ATG4C: variants seen among roughly 807,000 people sequenced by gnomAD.
The protein encoded by ATG4C is cysteine protease ATG4C.
ATG4C carries 56 observed loss-of-function variants against 57.6 expected under a neutral mutation model. The observed-to-expected ratio is 0.97, with a 90% CI of 0.78 to 1.21. The LOEUF is 1.21. ATG4C is among the 50% of genes most tolerant of loss of function. ATG4C has a pLI of 0.00. For missense variants in ATG4C, 595 were observed against 529.8 expected (o/e 1.12, Z -1.21); for synonymous variants, 157 against 174.1 (o/e 0.90, Z 0.78).
intron 10 of ATG4C, among the ~76,000 whole-genome samples, chr1:62,850,532 C>T (rs1414709125): frequency 6.6e-6 from 1 of 152,100 alleles, no homozygotes; most frequent in Admixed American, 6.6e-5. Flanking sequence ...CCTGCTGCCT[C>T]TTTGAACTCA....
chr1:62,861,382 T>A (rs1366999627), intron 10 of ATG4C, among the ~76,000 whole-genome samples: 1 of 151,698 alleles, frequency 6.6e-6, no homozygotes, highest in African/African-American at 2.4e-5. Flanking sequence ...CCCATTTGCA[T>A]AAAAAATACA....
chr1:62,786,529 CAA>C (rs780728043), intron 1 of ATG4C, among the ~76,000 whole-genome samples: 5 of 101,078 alleles, frequency 4.9e-5, no homozygotes, highest in Non-Finnish European at 6.3e-5. Flanking sequence ...GACCCTGTCT[CAA>C]AAAAAAAAAA....
At chr1:62,786,474 A>T (rs1430279229) in intron 1 of ATG4C, among the ~76,000 whole-genome samples, 3 of 151,936 alleles carry the variant, frequency 2.0e-5, no homozygotes, top group Non-Finnish European at 4.4e-5. Flanking sequence ...ATGAGATCTA[A>T]TGTGGAATTT....
intron 1 of ATG4C, among the ~76,000 whole-genome samples, chr1:62,796,546 A>T (rs1334489086): frequency 6.6e-6 from 1 of 152,166 alleles, no homozygotes; most frequent in Non-Finnish European, 1.5e-5. Flanking sequence ...GAGAAAAAAA[A>T]TGTCTCAGCA....
At chr1:62,863,744 A>G (rs77871448) in intron 10 of ATG4C, among the ~76,000 whole-genome samples, 3,175 of 152,104 alleles carry the variant, frequency 0.021, 36 homozygotes, top group Non-Finnish European at 0.032. Context: ...GGGAAGTGGG[A>G]GGTGAGAGTG....
intron 10 of ATG4C, among the ~76,000 whole-genome samples, chr1:62,850,387 G>T (rs1666467972): frequency 1.3e-5 from 2 of 152,128 alleles, no homozygotes; most frequent in Non-Finnish European, 2.9e-5. Flanking sequence ...ATAGCCGCCA[G>T]AGTGATTTTG....
At chr1:62,798,649 GT>G (rs759176582) in intron 1 of ATG4C, among the ~76,000 whole-genome samples, 61 of 142,984 alleles carry the variant, frequency 4.3e-4, no homozygotes, top group South Asian at 2.0e-3. Flanking sequence ...TTTAATATTT[GT>G]TTTTTTTTTT....
intron 1 of ATG4C, among the ~76,000 whole-genome samples, chr1:62,796,279 A>C: frequency 9.6e-6 from 1 of 104,250 alleles, no homozygotes; most frequent in East Asian, 2.7e-4. Flanking sequence ...TCCTTGGCTT[A>C]TCTGACACAA....
intron 10 of ATG4C, among the ~76,000 whole-genome samples, chr1:62,850,166 C>T (rs1666460115): frequency 6.6e-6 from 1 of 152,136 alleles, no homozygotes; most frequent in Non-Finnish European, 1.5e-5. Context: ...CCTGGGTGCT[C>T]AGCCTAAAAA....
At chr1:62,816,496 C>A in intron 3 of ATG4C, 79 bp from the exon 4 acceptor site, 1 of 983,634 alleles carries the variant, frequency 1.0e-6, no homozygotes, top group Non-Finnish European at 1.5e-6. Flanking sequence ...TACTTCACAT[C>A]TTAAGACAGT....
rs1161434826 is a variant in ATG4C, at chr1:62,865,439, C to A, written c.*1280C>A. On this transcript the variant is annotated 3_prime_UTR_variant, in exon 11 of 11. Transcript: ENST00000317868. ...GGGTGGGCGGATTGTTTTAGTATAC[C>A]TGATGAGAAAAATCAGGTTTGACAT... The A allele has an allele frequency of 6.6e-6, 1 of 151,732 alleles. No homozygotes were observed. The highest frequency in any genetic ancestry group is 1.9e-4 in the East Asian group (1 of 5,194). 9.4% of individuals were successfully genotyped at this position (151,732 alleles called of 1,614,324 possible). A position where few individuals can be genotyped will look rare whatever the true frequency, so the allele number is the denominator to read the frequency against.
chr1:62,834,840 T>C lies in ATG4C; in HGVS notation c.1077T>C (p.Asp359=). 6.2e-7 allele frequency: 1 copy of C among 1,611,936 alleles called. No homozygotes were observed. Among genetic ancestry groups the C allele is most frequent in the Non-Finnish European group, 8.5e-7 (1 of 1,178,504 alleles). The change falls in exon 9 of 11, where the codon GAT becomes GAC. Residue 359 remains aspartate, a synonymous_variant. Transcript: ENST00000317868. ...CTTTTGTAGATGTCAGCATAAAGGATTTCCCTCTTGAGGTACTGTGGATAA... is the reference window on the plus strand; with the variant it reads ...CTTTTGTAGATGTCAGCATAAAGGACTTCCCTCTTGAGGTACTGTGGATAA... ...CQSFVDVSIK[D]FPLETFHCPS...
chr1:62,824,300 T>C lies in ATG4C; in HGVS notation c.796+3091T>C, dbSNP rs116818848. Among the ~76,000 whole-genome samples, 1,199 of 152,290 alleles carry C rather than the reference T, an allele frequency of 7.9e-3. 33 individuals are homozygous for C. Among genetic ancestry groups the C allele is most frequent in the African/African-American group, 0.027 (1,117 of 41,558 alleles). On this transcript the variant is annotated intron_variant, in intron 6 of 10. Transcript: ENST00000317868. The stretch of plus-strand genomic sequence containing the variant: ...ATGAAGGGTAAGAATGCAATCTCTA[T>C]CCCGATGAGGGAGAACTACCATGGC...
At position 62,803,751 on chromosome 1, in the gene ATG4C, G is replaced by A; in HGVS notation, c.-36G>A. 1 of 1,426,308 alleles carries A rather than the reference G, an allele frequency of 7.0e-7. No homozygotes were observed. The highest frequency in any genetic ancestry group is 2.0e-5 in the Admixed American group (1 of 50,760). The allele number at this position is 1,426,308 out of a possible 1,614,324, so 88.4% of individuals were successfully genotyped here. A position where few individuals can be genotyped will look rare whatever the true frequency, so the allele number is the denominator to read the frequency against. On this transcript the variant is annotated 5_prime_UTR_variant, in exon 2 of 11. The change abolishes an upstream ATG in the 5' untranslated region. Transcript: ENST00000317868. ...AAAAGATTAAACTCTACAGAAGAAT[G>A]CAATCAAGTGATGGCTTTTCCTTTA...
intron 2 of ATG4C, 66 bp from the exon 3 acceptor site, chr1:62,805,106 C>T: frequency 2.1e-6 from 3 of 1,462,464 alleles, no homozygotes; most frequent in Non-Finnish European, 2.7e-6. Context: ...GAAAACGCTG[C>T]TAGACTTTTA....
chr1:62,854,749 G>A (rs1226353360), intron 10 of ATG4C, among the ~76,000 whole-genome samples: 1 of 152,152 alleles, frequency 6.6e-6, no homozygotes, highest in African/African-American at 2.4e-5. Context: ...CATGTAATGA[G>A]CTTGCCTTTT....
chr1:62,835,333 T>G, intron 9 of ATG4C: 1 of 310,490 alleles, frequency 3.2e-6, no homozygotes, highest in East Asian at 1.0e-4. Flanking sequence ...TTAGTTGGGT[T>G]TCTAATTTTT....
intron 6 of ATG4C, among the ~76,000 whole-genome samples, chr1:62,827,834 A>C (rs766005200): frequency 1.3e-5 from 2 of 151,872 alleles, no homozygotes; most frequent in African/African-American, 4.8e-5. Context: ...AGTAGACCCG[A>C]GTGTCTGTTG....
At chr1:62,834,752 T>G in intron 8 of ATG4C, 24 bp from the exon 9 acceptor site, 1 of 1,588,588 alleles carries the variant, frequency 6.3e-7, no homozygotes, top group Non-Finnish European at 8.6e-7. Context: ...TTTGAATTAC[T>G]TGTCTTCTGT....
Sources: gnomAD v4.1 joint callset for allele counts (sites outside exome capture counted in the v4.1 genomes callset) on GRCh38, gnomAD v4.1.1 for gene constraint, MANE v1.5 for transcripts, NCBI Gene and HGNC (gene_info 2026-07-23, HGNC 2026-07-21) for gene names.